CCDC200: variants seen among roughly 807,000 people sequenced by gnomAD.
The protein encoded by CCDC200 is coiled-coil domain containing 200, also known as coiled-coil domain-containing protein 200.
intron 1 of CCDC200, among the ~76,000 whole-genome samples, chr17:43,225,494 C>G (rs1176123820): frequency 2.0e-5 from 3 of 148,272 alleles, no homozygotes; most frequent in African/African-American, 7.4e-5. Context: ...GAAACCCCGT[C>G]TCTACTAAAA....
chr17:43,228,125 A>AAAAAT (rs1469059948), intron 1 of CCDC200, among the ~76,000 whole-genome samples: 5 of 111,514 alleles, frequency 4.5e-5, no homozygotes, highest in Non-Finnish European at 8.9e-5. Flanking sequence ...AAAAAAAAAA[A>AAAAAT]TTTGGTTCCT....
intron 3 of CCDC200, among the ~76,000 whole-genome samples, chr17:43,222,760 G>A (rs1015932796): frequency 4.1e-5 from 5 of 122,358 alleles, no homozygotes; most frequent in South Asian, 5.0e-4. Flanking sequence ...AGCTAGTTTT[G>A]TTTTTTTTTT....
At chr17:43,223,246 A>ATTTTTTTT (rs1382906549) in intron 3 of CCDC200, among the ~76,000 whole-genome samples, 16 of 84,828 alleles carry the variant, frequency 1.9e-4, no homozygotes, top group African/African-American at 6.0e-4. Flanking sequence ...ATTTTTTTCA[A>ATTTTTTTT]TTTTTTTTTT....
chr17:43,225,693 T>TATATATATATATATATATATATATA (rs1282739067), intron 1 of CCDC200, among the ~76,000 whole-genome samples: 8 of 28,968 alleles, frequency 2.8e-4, no homozygotes, highest in East Asian at 1.2e-3. Context: ...TATATATATA[T>TATATATATATATATATATATATATA]TGCATGCTAC....
chr17:43,225,693 T>TATATATATATATA (rs1282739067), intron 1 of CCDC200, among the ~76,000 whole-genome samples: 4 of 28,968 alleles, frequency 1.4e-4, no homozygotes, highest in Admixed American at 6.9e-4. Context: ...TATATATATA[T>TATATATATATATA]TGCATGCTAC....
chr17:43,225,837 G>A (rs559941124), intron 1 of CCDC200, among the ~76,000 whole-genome samples: 3 of 145,284 alleles, frequency 2.1e-5, no homozygotes, highest in South Asian at 2.3e-4. Flanking sequence ...GAGTTCAAGC[G>A]ATTCTCCTGC....
At chr17:43,223,297 A>G (rs757905267) in intron 3 of CCDC200, among the ~76,000 whole-genome samples, 2 of 141,134 alleles carry the variant, frequency 1.4e-5, no homozygotes, top group Non-Finnish European at 1.5e-5. Flanking sequence ...GGCTCAAGCA[A>G]TACTCCTGCC....
chr17:43,221,851 G>A (rs1214784680), intron 3 of CCDC200, among the ~76,000 whole-genome samples: 3 of 152,112 alleles, frequency 2.0e-5, no homozygotes, highest in South Asian at 4.1e-4. Flanking sequence ...GCTCACACCT[G>A]TAATCCCAGC....
rs1567880373 is a variant in CCDC200, at chr17:43,224,353, A to G, written c.302T>C (p.Val101Ala). The G allele has an allele frequency of 6.4e-6, 1 of 156,552 alleles. No individual in the cohort carries two copies. 9.7% of individuals were successfully genotyped at this position (156,552 alleles called of 1,614,324 possible). A position where few individuals can be genotyped will look rare whatever the true frequency, so the allele number is the denominator to read the frequency against. Reference sequence around the variant, plus strand: ...TTGTGGTGGCTGTGGCCCTGGCCACACCTGTGCCTGTGGCAATGTTGATGG... The same window carrying G: ...TTGTGGTGGCTGTGGCCCTGGCCACGCCTGTGCCTGTGGCAATGTTGATGG... ...PQPSTLPQAQVWPGPQPPQPQ... is the reference protein window; with the variant it reads ...PQPSTLPQAQAWPGPQPPQPQ... Residue 101 changes from valine to alanine, a missense_variant, in exon 2 of 4, where the codon GTG (valine) becomes GCG (alanine). Coordinates refer to ENST00000636331, the MANE Select transcript of CCDC200 (RefSeq NM_001363254.2).
At chr17:43,230,891 G>A (rs1282603101), upstream of CCDC200, among the ~76,000 whole-genome samples, 1 of 89,752 alleles carries the variant, frequency 1.1e-5, no homozygotes, top group Non-Finnish European at 2.9e-5. Flanking sequence ...TGAGGCAGAA[G>A]AATGGCGCGA....
intron 1 of CCDC200, among the ~76,000 whole-genome samples, chr17:43,227,492 A>AT (rs139575253): frequency 3.0e-5 from 4 of 132,140 alleles, no homozygotes; most frequent in African/African-American, 2.7e-5. Flanking sequence ...AAAGTTTTTA[A>AT]TTTTTTTTTT....
At chr17:43,225,031 A>AT (rs1011585484) in intron 1 of CCDC200, 47 of 146,026 alleles carry the variant, frequency 3.2e-4, no homozygotes, top group East Asian at 1.0e-3. Flanking sequence ...TGCCCGGTTA[A>AT]TTTTTTTTTT....
At chr17:43,224,722 T>G (rs747519762) in intron 1 of CCDC200, 173 bp from the exon 2 acceptor site, 1 of 152,242 alleles carries the variant, frequency 6.6e-6, no homozygotes, top group Non-Finnish European at 1.5e-5. Context: ...TCACCCACTG[T>G]GACACCCAAG....
intron 2 of CCDC200, chr17:43,223,832 A>AT (rs1456549210): frequency 1.3e-5 from 2 of 152,034 alleles, no homozygotes; most frequent in Non-Finnish European, 2.9e-5. Context: ...GGGGCTCAGT[A>AT]TATCTGTTAA....
intron 1 of CCDC200, among the ~76,000 whole-genome samples, chr17:43,226,980 G>A (rs1165387179): frequency 6.6e-6 from 1 of 151,982 alleles, no homozygotes; most frequent in Non-Finnish European, 1.5e-5. Flanking sequence ...TTTTGTTGTT[G>A]TTGTTGTTGT....
At chr17:43,222,669 C>T (rs562619116) in intron 3 of CCDC200, among the ~76,000 whole-genome samples, 69 of 151,332 alleles carry the variant, frequency 4.6e-4, no homozygotes, top group African/African-American at 1.6e-3. Context: ...CCACTTACGG[C>T]AGCCTCAACC....
chr17:43,226,326 G>T (rs1392664686), intron 1 of CCDC200: 1 of 149,918 alleles, frequency 6.7e-6, no homozygotes, highest in East Asian at 2.0e-4. Flanking sequence ...TGGTGACAGA[G>T]GAAGACCTTG....
rs1176223204 is a variant in CCDC200, at chr17:43,225,680, GTA to G, written c.106-1133_106-1132del. ...TCCGTCTAAAAAAAAAAAAAAAAAAGTATATATATATATTGCATGCTACATGT... is the reference window on the plus strand; with the variant it reads ...TCCGTCTAAAAAAAAAAAAAAAAAAGTATATATATATTGCATGCTACATGT... On this transcript the variant is annotated intron_variant, in intron 1 of 3. Transcript: ENST00000636331. Among the ~76,000 whole-genome samples the G allele has an allele frequency of 4.8e-4, 8 of 16,610 alleles. 4 individuals are homozygous for G. In the Non-Finnish European group the frequency reaches 5.5e-3, roughly 11 times the overall value. 10.9% of individuals were successfully genotyped at this position (16,610 alleles called of 152,430 possible).
intron 1 of CCDC200, chr17:43,226,313 G>A (rs2154582793): frequency 6.6e-6 from 1 of 152,060 alleles, no homozygotes; most frequent in African/African-American, 2.4e-5. Context: ...CACACTCCAG[G>A]TTTGGTGACA....
Sources: allele counts gnomAD v4.1 joint callset (sites outside exome capture counted in the v4.1 genomes callset), GRCh38; gene constraint gnomAD v4.1.1; transcripts MANE v1.5; gene names NCBI Gene and HGNC (gene_info 2026-07-23, HGNC 2026-07-21).